The following CSMD3 variants were observed in gnomAD, a reference collection of about 807,000 sequenced individuals.
The protein encoded by CSMD3 is CUB and sushi domain-containing protein 3.
In CSMD3, 177 loss-of-function variants were observed where a neutral mutation model predicts 435.2. That is an observed-to-expected ratio of 0.41 (90% CI 0.36 to 0.46). The LOEUF (loss-of-function observed/expected upper bound fraction) is 0.46. Among genes scored for constraint, CSMD3 ranks in the 20% least tolerant of loss-of-function variants. The pLI is 0.34. For missense variants in CSMD3, 4,265 were observed against 4,504.6 expected, an observed-to-expected ratio of 0.95 and a Z score of 1.52; for synonymous variants, 1,656 against 1,520.5, an observed-to-expected ratio of 1.09 and a Z score of -2.07.
intron 10 of CSMD3, among the ~76,000 whole-genome samples, chr8:112,881,053 C>T (rs1249976450): frequency 6.6e-6 from 1 of 151,986 alleles, no homozygotes. Context: ...TATATTCAGT[C>T]ACTCATTCAA....
At chr8:113,224,780 C>G (rs1409506661) in intron 3 of CSMD3, among the ~76,000 whole-genome samples, 3 of 149,914 alleles carry the variant, frequency 2.0e-5, no homozygotes, top group African/African-American at 7.3e-5. Context: ...TGATTAAATT[C>G]TGGCTCTTGT....
At chr8:112,652,895 C>T (rs1019663793) in intron 18 of CSMD3, among the ~76,000 whole-genome samples, 2 of 152,158 alleles carry the variant, frequency 1.3e-5, no homozygotes, top group Non-Finnish European at 2.9e-5. Flanking sequence ...GCAGCCTCCA[C>T]TTCGCTTCCT....
At chr8:112,257,653 C>T (rs1257281020) in intron 61 of CSMD3, among the ~76,000 whole-genome samples, 2 of 152,274 alleles carry the variant, frequency 1.3e-5, no homozygotes, top group African/African-American at 2.4e-5. Context: ...AATGGAAAAA[C>T]ATTTCATGCT....
At chr8:112,285,251 A>G (rs926472741) in intron 58 of CSMD3, among the ~76,000 whole-genome samples, 3 of 152,128 alleles carry the variant, frequency 2.0e-5, no homozygotes, top group African/African-American at 7.2e-5. Flanking sequence ...GATGTCACCT[A>G]CACAATGTTG....
chr8:112,573,747 T>G lies in CSMD3; in HGVS notation c.3886-90A>C, dbSNP rs551985778. ...TGTATCTATGAAAAAGAGAAAAGTG[T>G]ACTTTTTCTAAATCAGATCAGTACA... On this transcript the variant is annotated intron_variant, in intron 23 of 70. Transcript: ENST00000297405. The G allele has an allele frequency of 2.7e-5, 29 of 1,055,780 alleles. No individual in the cohort carries two copies. In the South Asian group the frequency reaches 3.7e-4, roughly 14 times the overall value. The allele number at this position is 1,055,780 out of a possible 1,614,324, so 65.4% of individuals were successfully genotyped here.
chr8:112,251,362 A>C (rs1286069749), intron 63 of CSMD3, among the ~76,000 whole-genome samples: 2 of 151,908 alleles, frequency 1.3e-5, no homozygotes, highest in East Asian at 3.9e-4. Context: ...GATCATAAAA[A>C]ATGAAGGTAT....
intron 4 of CSMD3, among the ~76,000 whole-genome samples, chr8:113,170,792 C>T (rs1168270724): frequency 6.6e-6 from 1 of 151,936 alleles, no homozygotes; most frequent in Non-Finnish European, 1.5e-5. Flanking sequence ...TAAATTTATT[C>T]ATTAGTTTTA....
chr8:113,112,147 C>A lies in CSMD3; in HGVS notation c.710-13184G>T, dbSNP rs1383204838. ...ATCTTTTGGGGTTTACATTTTTTCG[C>A]TCAGCTGGAGATCTCTCCAAGTTAT... On this transcript the variant is annotated intron_variant, in intron 4 of 70. Coordinates refer to ENST00000297405, the MANE Select transcript of CSMD3 (RefSeq NM_198123.2). Among the ~76,000 whole-genome samples the A allele has an allele frequency of 2.0e-5, 3 of 151,790 alleles. No individual in the cohort carries two copies. The South Asian group carries it at 6.2e-4, about 32-fold the overall frequency.
intron 5 of CSMD3, among the ~76,000 whole-genome samples, chr8:113,028,761 A>T (rs2086970654): frequency 6.6e-6 from 1 of 151,592 alleles, no homozygotes. Flanking sequence ...AAGCTGTAGA[A>T]CAAAAAATCT....
intron 24 of CSMD3, among the ~76,000 whole-genome samples, chr8:112,572,370 TA>T (rs1202426241): frequency 2.6e-5 from 4 of 152,106 alleles, no homozygotes; most frequent in Non-Finnish European, 5.9e-5. Context: ...AGCACTGAAA[TA>T]AATAGATAAT....
At chr8:112,383,435 T>C in intron 37 of CSMD3, 132 bp downstream of exon 37, 1 of 645,886 alleles carries the variant, frequency 1.5e-6, no homozygotes, top group Non-Finnish European at 2.8e-6. Context: ...TAAACTTCAG[T>C]CCTTGTATCT....
chr8:113,362,085 A>G (rs2094281047), intron 1 of CSMD3, among the ~76,000 whole-genome samples: 1 of 152,190 alleles, frequency 6.6e-6, no homozygotes, highest in Non-Finnish European at 1.5e-5. Context: ...ATTTGTAGCT[A>G]AAGTTGATAA....
intron 22 of CSMD3, among the ~76,000 whole-genome samples, chr8:112,631,203 T>C (rs1368724618): frequency 6.6e-6 from 1 of 152,130 alleles, no homozygotes; most frequent in Non-Finnish European, 1.5e-5. Flanking sequence ...CAGCAAACTA[T>C]GGCTCCACAG....
chr8:112,369,918 C>A (rs1459330043), intron 38 of CSMD3, among the ~76,000 whole-genome samples: 1 of 146,106 alleles, frequency 6.8e-6, no homozygotes, highest in African/African-American at 2.5e-5. Context: ...AAATAAATCA[C>A]AATTTGCTAT....
intron 18 of CSMD3, among the ~76,000 whole-genome samples, chr8:112,653,106 G>A (rs1204361396): frequency 2.6e-5 from 4 of 152,118 alleles, no homozygotes; most frequent in Non-Finnish European, 5.9e-5. Context: ...TTTAGTCATC[G>A]TGCCCAGCTA....
At chr8:113,373,564 A>T (rs952456649) in intron 1 of CSMD3, among the ~76,000 whole-genome samples, 1 of 151,954 alleles carries the variant, frequency 6.6e-6, no homozygotes, top group African/African-American at 2.4e-5. Flanking sequence ...ACATATATAC[A>T]TTTACATATG....
At chr8:113,198,656 G>A (rs1376170624) in intron 3 of CSMD3, among the ~76,000 whole-genome samples, 2 of 150,988 alleles carry the variant, frequency 1.3e-5, no homozygotes, top group Non-Finnish European at 3.0e-5. Flanking sequence ...TTTTTGGACA[G>A]ACTAAATGAT....
chr8:112,276,549 A>C (rs1407815927), intron 59 of CSMD3, among the ~76,000 whole-genome samples: 1 of 152,000 alleles, frequency 6.6e-6, no homozygotes, highest in Non-Finnish European at 1.5e-5. Flanking sequence ...CTGGAAGTCT[A>C]GGAGGAAAAA....
At chr8:112,368,186 G>T (rs16883465) in intron 38 of CSMD3, among the ~76,000 whole-genome samples, 59,960 of 151,948 alleles carry the variant, frequency 0.39, 13,308 homozygotes, top group Middle Eastern at 0.54. Flanking sequence ...TTTGCCAGAA[G>T]GAATTCTTTT....
Sources: gnomAD v4.1 joint callset for allele counts (sites outside exome capture counted in the v4.1 genomes callset) on GRCh38, gnomAD v4.1.1 for gene constraint, MANE v1.5 for transcripts, NCBI Gene and HGNC (gene_info 2026-07-23, HGNC 2026-07-21) for gene names.